Variants in THOC1 observed in about 807,000 individuals in gnomAD.
THOC1 encodes THO complex subunit 1.
In THOC1, 29 loss-of-function variants were observed where a neutral mutation model predicts 97.3. The observed-to-expected ratio is 0.30, with a 90% CI of 0.22 to 0.41. The LOEUF (loss-of-function observed/expected upper bound fraction) is 0.41, where lower values mean the gene tolerates loss of function less well. Ranked by LOEUF, THOC1 falls within the 10% of genes least tolerant of loss-of-function variation. THOC1 has a pLI of 1.00. For missense variants in THOC1, 529 were observed against 761.9 expected, an observed-to-expected ratio of 0.69 and a Z score of 3.60; for synonymous variants, 255 against 257.0, an observed-to-expected ratio of 0.99 and a Z score of 0.07.
intron 12 of THOC1, 115 bp downstream of exon 12, chr18:226,686 G>T: frequency 1.4e-6 from 1 of 694,182 alleles, no homozygotes; most frequent in Non-Finnish European, 2.4e-6. Context: ...CAATACATGT[G>T]TTTTAGGGAT....
At chr18:263,880 G>C in intron 4 of THOC1, 146 bp downstream of exon 4, 1 of 612,912 alleles carries the variant, frequency 1.6e-6, no homozygotes, top group East Asian at 2.8e-5. Flanking sequence ...AATTCAACTG[G>C]GACTTCTTGG....
At chr18:240,304 C>G (rs1249588068) in intron 11 of THOC1, among the ~76,000 whole-genome samples, 1 of 152,208 alleles carries the variant, frequency 6.6e-6, no homozygotes, top group African/African-American at 2.4e-5. Flanking sequence ...TAGAGGGCTG[C>G]TACTTGGTAG....
intron 11 of THOC1, among the ~76,000 whole-genome samples, chr18:228,678 C>A (rs1468263478): frequency 6.6e-6 from 1 of 152,178 alleles, no homozygotes; most frequent in Non-Finnish European, 1.5e-5. Flanking sequence ...TCCCATATTT[C>A]TTCTGTCATG....
intron 7 of THOC1, among the ~76,000 whole-genome samples, chr18:257,371 T>C (rs1279847842): frequency 2.0e-5 from 3 of 152,178 alleles, no homozygotes; most frequent in Non-Finnish European, 2.9e-5. Flanking sequence ...AAATACATTA[T>C]AGTTAATGAG....
At chr18:260,728 T>C (rs1465375713) in intron 4 of THOC1, 1 of 152,508 alleles carries the variant, frequency 6.6e-6, no homozygotes, top group Non-Finnish European at 1.5e-5. Context: ...CCAGGCAGTC[T>C]GGCTCCACAG....
In THOC1 at chr18:250,023, A is replaced by C. The variant is rs916136820; in HGVS notation, c.678-2066T>G. On this transcript the variant is annotated intron_variant, in intron 9 of 20. Coordinates refer to ENST00000261600, the MANE Select transcript of THOC1 (RefSeq NM_005131.3). ...GAACTTCACATCTAATTTAACACTTAATACCAATCACAATATTATTCCATG... is the reference window on the plus strand; with the variant it reads ...GAACTTCACATCTAATTTAACACTTCATACCAATCACAATATTATTCCATG... Among the ~76,000 whole-genome samples, 6 of 152,186 alleles carry C rather than the reference A, an allele frequency of 3.9e-5. No homozygotes were observed. In the East Asian group the frequency reaches 5.8e-4, roughly 15 times the overall value.
chr18:247,044 C>T (rs2143253127), intron 10 of THOC1, among the ~76,000 whole-genome samples: 1 of 151,696 alleles, frequency 6.6e-6, no homozygotes, highest in African/African-American at 2.4e-5. Context: ...CCTGTGGAAA[C>T]TCTTACGCAT....
Position 259,693 on chromosome 18 carries a change from C to T in THOC1, c.413G>A (p.Arg138His), listed in dbSNP as rs1474078520. Residue 138 changes from arginine (R) to histidine (H), a missense_variant, in exon 6 of 21, where the codon CGT (arginine) becomes CAT (histidine). Physicochemically the swap from Arg to His is conservative, Grantham distance 29 (BLOSUM62 0). Coordinates refer to ENST00000261600, the MANE Select transcript of THOC1 (RefSeq NM_005131.3). ...ACTCAATTACTTACCATTGCACATA[C>T]GTAGTAAGTAATTTTTCCCAGCAGA... ...FYSAGKNYLLRMCNDLLRRLS... is the reference protein window; with the variant it reads ...FYSAGKNYLLHMCNDLLRRLS... 1.3e-6 allele frequency: 2 copies of T among 1,549,074 alleles called. No individual in the cohort carries two copies. The highest frequency in any genetic ancestry group is 1.7e-6 in the Non-Finnish European group (2 of 1,146,186).
At chr18:217,336 C>A (rs1910927762) in intron 18 of THOC1, among the ~76,000 whole-genome samples, 1 of 152,204 alleles carries the variant, frequency 6.6e-6, no homozygotes, top group African/African-American at 2.4e-5. Context: ...CAGTTAAGAG[C>A]CTTCCTCTCT....
At chr18:267,168 GA>G (rs1912802009) in intron 1 of THOC1, among the ~76,000 whole-genome samples, 2 of 152,074 alleles carry the variant, frequency 1.3e-5, no homozygotes, top group Admixed American at 1.3e-4. Context: ...TGCTAGAGAC[GA>G]ATAGAGTCAG....
intron 11 of THOC1, among the ~76,000 whole-genome samples, chr18:239,304 T>A (rs1015823943): frequency 1.1e-4 from 17 of 152,292 alleles, no homozygotes; most frequent in Admixed American, 7.2e-4. Flanking sequence ...CTTTTATTTA[T>A]TTTATTTATT....
intron 9 of THOC1, among the ~76,000 whole-genome samples, chr18:249,002 A>G (rs1194429074): frequency 2.0e-5 from 3 of 152,100 alleles, no homozygotes; most frequent in Non-Finnish European, 4.4e-5. Context: ...TGCCCACCTC[A>G]GCCTCCCAAA....
Position 224,144 on chromosome 18 carries a change from T to G in THOC1, c.1244A>C (p.Lys415Thr). ...SDTKPTRIIR[K>T]RTAPEDFLGK... ...TAGGAAGTCCTCGGGTGCTGTTCTCTTCCGAATTATTCTCGTAGGTTTGGT... is the reference window on the plus strand; with the variant it reads ...TAGGAAGTCCTCGGGTGCTGTTCTCGTCCGAATTATTCTCGTAGGTTTGGT... The change falls in exon 16 of 21, where the codon AAG becomes ACG. Residue 415 changes from lysine to threonine, a missense_variant. Around this residue, in one of 8 missense-constraint regions of THOC1, gnomAD observed 123 missense variants for 159.0 expected, o/e 0.77. Transcript: ENST00000261600. 2 of 1,611,064 alleles carry G rather than the reference T, an allele frequency of 1.2e-6. No homozygotes were observed. Among genetic ancestry groups the G allele is most frequent in the East Asian group, 2.2e-5 (1 of 44,852 alleles).
chr18:249,421 C>T (rs934309120), intron 9 of THOC1, among the ~76,000 whole-genome samples: 5 of 152,128 alleles, frequency 3.3e-5, no homozygotes, highest in Admixed American at 2.6e-4. Flanking sequence ...AATCCCAACA[C>T]TTTGGGAGGC....
At chr18:267,697 G>C (rs969259458) in intron 1 of THOC1, among the ~76,000 whole-genome samples, 2 of 152,196 alleles carry the variant, frequency 1.3e-5, no homozygotes, top group African/African-American at 2.4e-5. Flanking sequence ...TAGTCTGCAG[G>C]TGGGCACTCC....
chr18:226,935 AAC>A, intron 11 of THOC1, 34 bp from the exon 12 acceptor site: 1 of 1,504,902 alleles, frequency 6.6e-7, no homozygotes, highest in Non-Finnish European at 9.1e-7. Context: ...ATACGAAAAC[AAC>A]ACATTAAAAT....
rs139180836 is a variant in THOC1 at position 256,450 on chromosome 18, C to T, written c.521-2095G>A. Among the ~76,000 whole-genome samples, 533 of 152,218 alleles carry T rather than the reference C, an allele frequency of 3.5e-3. 2 individuals are homozygous for T. Among genetic ancestry groups the T allele is most frequent in the Middle Eastern group, 0.017 (5 of 294 alleles). The stretch of plus-strand genomic sequence containing the variant: ...AAGAGAACTACAATTAGAAGTGGAG[C>T]CTGAAGATATGACAGAATTGCTGCA... On this transcript the variant is annotated intron_variant, in intron 7 of 20. Coordinates refer to ENST00000261600, the MANE Select transcript of THOC1 (RefSeq NM_005131.3).
chr18:216,408 T>A (rs1217824233), intron 19 of THOC1, 78 bp downstream of exon 19: 1 of 1,494,898 alleles, frequency 6.7e-7, no homozygotes, highest in Non-Finnish European at 9.0e-7. Flanking sequence ...ATTAAGTCAG[T>A]TTTTTGCTCA....
intron 11 of THOC1, among the ~76,000 whole-genome samples, chr18:232,236 C>T (rs1194128393): frequency 2.0e-5 from 3 of 152,174 alleles, no homozygotes; most frequent in Non-Finnish European, 4.4e-5. Flanking sequence ...GCTGGGACTA[C>T]AGGCATATGC....
Sources: allele counts gnomAD v4.1 joint callset (sites outside exome capture counted in the v4.1 genomes callset), GRCh38; gene constraint gnomAD v4.1.1; regional missense constraint gnomAD v4.1.1; transcripts MANE v1.5; gene names NCBI Gene and HGNC (gene_info 2026-07-23, HGNC 2026-07-21).